Variants in SGK1 observed in about 807,000 individuals in gnomAD.
SGK1 encodes the protein serum/glucocorticoid regulated kinase 1.
Under a neutral mutation model 64.2 loss-of-function variants are expected in SGK1, and 26 were observed. That is an observed-to-expected ratio of 0.40 (90% CI 0.30 to 0.56). The LOEUF is 0.56. Ranked by LOEUF, SGK1 falls within the 20% of genes least tolerant of loss-of-function variation. The pLI is 0.38. For missense variants in SGK1, 519 were observed against 645.6 expected (o/e 0.80, Z 2.12); for synonymous variants, 265 against 239.7 (o/e 1.11, Z -0.98).
intron 3 of SGK1, among the ~76,000 whole-genome samples, chr6:134,185,512 A>AG (rs1018915399): frequency 1.4e-4 from 22 of 151,734 alleles, no homozygotes; most frequent in African/African-American, 5.3e-4. Flanking sequence ...ACAAATGCTT[A>AG]GTGCCAAGTT....
At position 134,297,615 on chromosome 6, in the gene SGK1, G is replaced by T. The variant is rs1194069809; in HGVS notation, c.69+19777C>A. On this transcript the variant is annotated intron_variant, in intron 1 of 13. Transcript: ENST00000367858. ...CCTCCCAGGTTCAAGGGATTCTCCT[G>T]CCTCAGTCTCCTGAGTAGCTGCAAT... The T allele has an allele frequency of 6.5e-6, 3 of 462,318 alleles. No homozygotes were observed. The Admixed American group carries it at 8.1e-5, about 12-fold the overall frequency. 28.6% of individuals were successfully genotyped at this position (462,318 alleles called of 1,614,324 possible). A position where few individuals can be genotyped will look rare whatever the true frequency, so the allele number is the denominator to read the frequency against.
At chr6:134,310,554 G>C (rs189597603) in intron 1 of SGK1, among the ~76,000 whole-genome samples, 1 of 152,166 alleles carries the variant, frequency 6.6e-6, no homozygotes, top group Non-Finnish European at 1.5e-5. Flanking sequence ...TTCTAGTTGG[G>C]AGGATACATA....
chr6:134,252,616 C>CAAAAAAAAAAAAAAAAAAAAAA (rs11418007), intron 2 of SGK1, among the ~76,000 whole-genome samples: 1 of 65,988 alleles, frequency 1.5e-5, no homozygotes, highest in African/African-American at 6.3e-5. Context: ...GATTCCACCT[C>CAAAAAAAAAAAAAAAAAAAAAA]AAAAAAAAAA....
intron 3 of SGK1, chr6:134,180,488 A>G (rs1775314664): frequency 6.6e-6 from 1 of 152,232 alleles, no homozygotes; most frequent in Non-Finnish European, 1.5e-5. Flanking sequence ...AGAACTTTAC[A>G]TAAGATTATG....
chr6:134,302,862 C>A (rs1777478522), intron 1 of SGK1, among the ~76,000 whole-genome samples: 1 of 151,960 alleles, frequency 6.6e-6, no homozygotes, highest in Non-Finnish European at 1.5e-5. Flanking sequence ...TCAAGCAATT[C>A]TCCTGCCTCA....
Position 134,298,253 on chromosome 6 carries a change from G to A in SGK1, c.69+19139C>T, listed in dbSNP as rs751360734. The A allele has an allele frequency of 1.7e-4, 269 of 1,577,682 alleles. 1 individual carries two copies. Among genetic ancestry groups the A allele is most frequent in the South Asian group, 8.4e-4 (76 of 90,528 alleles). On this transcript the variant is annotated intron_variant, in intron 1 of 13. Coordinates refer to ENST00000367858, the MANE Select transcript of SGK1 (RefSeq NM_001143676.3). ...TCCTGGCCCCGAGTCTCCAGCTGCC[G>A]CCTAAGGTTGTTGAAGTAGCTCTCG...
At chr6:134,239,226 C>A (rs1232415836) in intron 2 of SGK1, among the ~76,000 whole-genome samples, 1 of 152,158 alleles carries the variant, frequency 6.6e-6, no homozygotes, top group African/African-American at 2.4e-5. Context: ...ACAGAAAGAA[C>A]CTCATTGTGC....
At chr6:134,172,407 C>G (rs1775059302) in intron 9 of SGK1, 91 bp from the exon 10 acceptor site, 1 of 1,296,092 alleles carries the variant, frequency 7.7e-7, no homozygotes, top group African/African-American at 1.5e-5. Flanking sequence ...GTATTAGAGG[C>G]ATTTTAGGTT....
rs752254576 is a variant in SGK1 at position 134,262,112 on chromosome 6, C to T, written c.106G>A (p.Asp36Asn). The T allele has an allele frequency of 5.0e-6, 8 of 1,603,050 alleles. No individual in the cohort carries two copies. The highest frequency in any genetic ancestry group is 6.0e-6 in the Non-Finnish European group (7 of 1,172,006). The change falls in exon 2 of 14, where the codon GAC becomes AAC. Residue 36 changes from aspartate to asparagine, a missense_variant. By Grantham distance (23) the Asp-to-Asn change is conservative. Around this residue, in one of 2 missense-constraint regions of SGK1, gnomAD observed 241 missense variants for 236.9 expected, o/e 1.02. Transcript: ENST00000367858. ...RWIKSPMVSV[D>N]KHQSPSLKYT... Reference sequence around the variant, plus strand: ...TTCAGGCTGGGACTCTGATGCTTGTCCACACTGACCATTGGGCTCTTGATC... The same window carrying T: ...TTCAGGCTGGGACTCTGATGCTTGTTCACACTGACCATTGGGCTCTTGATC...
chr6:134,265,487 A>AC (rs1488044719), intron 1 of SGK1, among the ~76,000 whole-genome samples: 5 of 147,958 alleles, frequency 3.4e-5, no homozygotes, highest in African/African-American at 5.0e-5. Context: ...AAACAAACAA[A>AC]AAAAATATAT....
chr6:134,180,679 C>T (rs1228840682), intron 3 of SGK1, among the ~76,000 whole-genome samples: 1 of 151,932 alleles, frequency 6.6e-6, no homozygotes, highest in African/African-American at 2.4e-5. Context: ...TTGAGACCAG[C>T]CTGGGCAACA....
intron 1 of SGK1, among the ~76,000 whole-genome samples, chr6:134,274,294 G>C (rs189767645): frequency 6.6e-6 from 1 of 152,080 alleles, no homozygotes; most frequent in African/African-American, 2.4e-5. Flanking sequence ...GTGAGCCACC[G>C]TGCCCAGCCT....
chr6:134,206,474 C>T (rs1169282923), intron 3 of SGK1, among the ~76,000 whole-genome samples: 2 of 142,000 alleles, frequency 1.4e-5, no homozygotes, highest in Middle Eastern at 4.0e-3. Context: ...CACACAGGAA[C>T]ATGAAAACCC....
At chr6:134,259,270 A>T (rs1776727685) in intron 2 of SGK1, among the ~76,000 whole-genome samples, 1 of 152,180 alleles carries the variant, frequency 6.6e-6, no homozygotes, top group Non-Finnish European at 1.5e-5. Context: ...AGCACTAGGC[A>T]TGTGTGCTCT....
chr6:134,308,756 C>T (rs935933545), intron 1 of SGK1, among the ~76,000 whole-genome samples: 49 of 152,070 alleles, frequency 3.2e-4, no homozygotes, highest in African/African-American at 1.1e-3. Flanking sequence ...AAGATTTCAC[C>T]GTGTTGGCCA....
chr6:134,287,512 A>C (rs1777204592), intron 1 of SGK1, among the ~76,000 whole-genome samples: 1 of 149,056 alleles, frequency 6.7e-6, no homozygotes, highest in East Asian at 2.0e-4. Flanking sequence ...TATTGGGCCT[A>C]GTGTGTATAT....
intron 1 of SGK1, among the ~76,000 whole-genome samples, chr6:134,291,426 CA>C (rs1777263211): frequency 1.3e-5 from 2 of 152,206 alleles, no homozygotes; most frequent in South Asian, 4.2e-4. Context: ...ACGAGAAATC[CA>C]AAGAGAGATA....
chr6:134,265,619 CATATATAT>C (rs1554225923), intron 1 of SGK1, among the ~76,000 whole-genome samples: 1 of 129,854 alleles, frequency 7.7e-6, no homozygotes, highest in Non-Finnish European at 1.6e-5. Context: ...TATATATATA[CATATATAT>C]ATATACATAT....
At position 134,271,326 on chromosome 6, in the gene SGK1, A is replaced by T. The variant is rs187498624; in HGVS notation, c.70-9178T>A. Among the ~76,000 whole-genome samples, 911 of 131,186 alleles carry T rather than the reference A, an allele frequency of 6.9e-3. 52 individuals are homozygous for T. Among genetic ancestry groups the T allele is most frequent in the African/African-American group, 0.021 (843 of 39,606 alleles). 86.1% of individuals were successfully genotyped at this position (131,186 alleles called of 152,430 possible). On this transcript the variant is annotated intron_variant, in intron 1 of 13. Coordinates refer to ENST00000367858, the MANE Select transcript of SGK1 (RefSeq NM_001143676.3). ...GAAACTGTCTCAAAAAAAAAAAAAAATTGTGGGACTCATTCTTTTCGTTTG... is the reference window on the plus strand; with the variant it reads ...GAAACTGTCTCAAAAAAAAAAAAAATTTGTGGGACTCATTCTTTTCGTTTG...
Sources: allele counts gnomAD v4.1 joint callset (sites outside exome capture counted in the v4.1 genomes callset), GRCh38; gene constraint gnomAD v4.1.1; regional missense constraint gnomAD v4.1.1; transcripts MANE v1.5; gene names NCBI Gene and HGNC (gene_info 2026-07-23, HGNC 2026-07-21).